Variants in VPS41 observed in about 807,000 individuals in gnomAD.
The protein encoded by VPS41 is VPS41 subunit of HOPS complex.
A neutral mutation model predicts 130.9 loss-of-function variants in VPS41; 85 were observed. That is an observed-to-expected ratio of 0.65 (90% CI 0.55 to 0.78). VPS41 has a LOEUF of 0.78. VPS41 is among the 30% of genes least tolerant of loss of function. VPS41 has a pLI of 0.00. For synonymous variants in VPS41, 335 were observed against 332.9 expected (o/e 1.01, Z -0.07); for missense variants, 874 against 1,018.7 (o/e 0.86, Z 1.93).
intron 7 of VPS41, among the ~76,000 whole-genome samples, chr7:38,817,122 T>A (rs1195049132): frequency 6.6e-6 from 1 of 151,318 alleles, no homozygotes. Context: ...CCATAACTGC[T>A]CTAAAAGTTT....
intron 4 of VPS41, among the ~76,000 whole-genome samples, chr7:38,844,860 T>C (rs969487522): frequency 6.6e-5 from 10 of 152,216 alleles, no homozygotes; most frequent in African/African-American, 2.4e-4. Flanking sequence ...GTGCCTACTC[T>C]GTGCCTGAGA....
chr7:38,894,135 A>T (rs1223522240), intron 2 of VPS41, among the ~76,000 whole-genome samples: 2 of 152,238 alleles, frequency 1.3e-5, no homozygotes, highest in Non-Finnish European at 2.9e-5. Context: ...TGTCCTTCAA[A>T]AAAAGTTTAA....
chr7:38,763,272 T>A (rs1783959557), intron 17 of VPS41, among the ~76,000 whole-genome samples, 183 bp downstream of exon 17: 1 of 152,220 alleles, frequency 6.6e-6, no homozygotes, highest in Non-Finnish European at 1.5e-5. Flanking sequence ...GCACACGGAC[T>A]AAGTGTTTTC....
chr7:38,844,481 A>G (rs1479930565), intron 4 of VPS41, among the ~76,000 whole-genome samples: 1 of 152,236 alleles, frequency 6.6e-6, no homozygotes, highest in Admixed American at 6.5e-5. Flanking sequence ...TTACTCTATT[A>G]GAATATAAAC....
chr7:38,758,017 C>T (rs1783836936), intron 18 of VPS41, among the ~76,000 whole-genome samples: 1 of 152,088 alleles, frequency 6.6e-6, no homozygotes, highest in Non-Finnish European at 1.5e-5. Context: ...GACTTGAAGA[C>T]CCTAGAAGAG....
In VPS41 at chr7:38,848,871, G is replaced by T. The variant is rs193161075; in HGVS notation, c.246+13674C>A. ...ACTGCTCTTTCTACATCCAATCTGG[G>T]ATAGTAGATTCCACTAATGCAATGG... On this transcript the variant is annotated intron_variant, in intron 4 of 28. Coordinates refer to ENST00000310301, the MANE Select transcript of VPS41 (RefSeq NM_014396.4). 2.0e-5 allele frequency among the ~76,000 whole-genome samples: 3 copies of T among 152,272 alleles called. No individual in the cohort carries two copies. The East Asian group carries it at 5.8e-4, about 29-fold the overall frequency.
At chr7:38,855,553 A>G (rs1785965068) in intron 4 of VPS41, among the ~76,000 whole-genome samples, 1 of 152,184 alleles carries the variant, frequency 6.6e-6, no homozygotes, top group East Asian at 1.9e-4. Context: ...AACCAGTCAC[A>G]AAAACATGTT....
intron 25 of VPS41, among the ~76,000 whole-genome samples, chr7:38,731,310 A>G (rs1387834896): frequency 6.6e-6 from 1 of 152,226 alleles, no homozygotes; most frequent in African/African-American, 2.4e-5. Context: ...TGCTTTCAAC[A>G]TCAGACATAG....
At chr7:38,794,889 A>G (rs1784591776) in intron 9 of VPS41, among the ~76,000 whole-genome samples, 1 of 152,240 alleles carries the variant, frequency 6.6e-6, no homozygotes, top group Admixed American at 6.5e-5. Flanking sequence ...AATGTGAATG[A>G]GCTTTGGGCC....
At chr7:38,861,594 C>T (rs143059666) in intron 4 of VPS41, among the ~76,000 whole-genome samples, 1 of 152,270 alleles carries the variant, frequency 6.6e-6, no homozygotes, top group East Asian at 1.9e-4. Context: ...AACAAGGCAT[C>T]CCTTTTTCTT....
chr7:38,834,773 T>G (rs1176754822), intron 4 of VPS41, among the ~76,000 whole-genome samples: 3 of 146,916 alleles, frequency 2.0e-5, no homozygotes, highest in African/African-American at 7.8e-5. Context: ...AATTTTGAGA[T>G]TTTTTTTTCA....
At chr7:38,809,634 A>C (rs1784905042) in intron 7 of VPS41, among the ~76,000 whole-genome samples, 2 of 151,910 alleles carry the variant, frequency 1.3e-5, no homozygotes, top group Admixed American at 1.3e-4. Flanking sequence ...GCCATTTCAA[A>C]TTTTCCTCAT....
chr7:38,753,385 G>A (rs147836908), intron 21 of VPS41, among the ~76,000 whole-genome samples: 3 of 152,084 alleles, frequency 2.0e-5, no homozygotes, highest in East Asian at 3.9e-4. Flanking sequence ...AAGGCAAAAC[G>A]GAGCAGTACA....
intron 2 of VPS41, among the ~76,000 whole-genome samples, chr7:38,882,540 G>A (rs1372910667): frequency 6.6e-6 from 1 of 151,974 alleles, no homozygotes; most frequent in African/African-American, 2.4e-5. Flanking sequence ...TCTTCTTCAG[G>A]TCTACTAGAC....
In VPS41 at chr7:38,801,752, T is replaced by G. The variant is rs367586580; in HGVS notation, c.451-4888A>C. On this transcript the variant is annotated intron_variant, in intron 7 of 28. Coordinates refer to ENST00000310301, the MANE Select transcript of VPS41 (RefSeq NM_014396.4). ...GGGAAAAGGATCATATCTTATACTT[T>G]GCTAGACCCATAGGCATAATAAATA... Among the ~76,000 whole-genome samples, 3 of 152,346 alleles carry G rather than the reference T, an allele frequency of 2.0e-5. 1 individual carries two copies. The highest frequency in any genetic ancestry group is 1.9e-4 in the East Asian group (1 of 5,190).
chr7:38,902,475 A>C (rs906495692), intron 1 of VPS41, among the ~76,000 whole-genome samples: 1 of 152,102 alleles, frequency 6.6e-6, no homozygotes, highest in African/African-American at 2.4e-5. Flanking sequence ...TGGTGTTTTT[A>C]AAAAAGCTTC....
chr7:38,789,474 A>C (rs934468754), intron 10 of VPS41, among the ~76,000 whole-genome samples: 6 of 152,092 alleles, frequency 3.9e-5, no homozygotes, highest in African/African-American at 1.4e-4. Flanking sequence ...GTGTGGCTGC[A>C]GCACAGAGAC....
intron 10 of VPS41, among the ~76,000 whole-genome samples, chr7:38,781,810 G>A (rs73127633): frequency 0.028 from 4,270 of 152,194 alleles, 87 homozygotes; most frequent in Middle Eastern, 0.065. Context: ...CCTAATTTGA[G>A]ATTTTCAAAT....
At chr7:38,878,775 C>T (rs927165445) in intron 2 of VPS41, among the ~76,000 whole-genome samples, 1 of 152,114 alleles carries the variant, frequency 6.6e-6, no homozygotes, top group Admixed American at 6.5e-5. Flanking sequence ...GGTTTCTTTA[C>T]CGAAGAGCTA....
Sources: allele counts gnomAD v4.1 joint callset (sites outside exome capture counted in the v4.1 genomes callset), GRCh38; gene constraint gnomAD v4.1.1; transcripts MANE v1.5; gene names NCBI Gene and HGNC (gene_info 2026-07-23, HGNC 2026-07-21).